The following EPHA6 variants were observed in gnomAD, a reference collection of about 807,000 sequenced individuals.
EPHA6 encodes the protein ephrin type-A receptor 6.
EPHA6 carries 50 observed loss-of-function variants against 112.0 expected under a neutral mutation model. The ratio of observed to expected loss-of-function variants is 0.45; its 90% CI spans 0.36 to 0.56. The LOEUF (loss-of-function observed/expected upper bound fraction) is 0.56, where lower values mean the gene tolerates loss of function less well. Ranked by LOEUF, EPHA6 falls within the 20% of genes least tolerant of loss-of-function variation. The probability of loss-of-function intolerance (pLI) is 0.00; values close to 1 mark genes in which losing one functional copy is unlikely to be tolerated. For missense variants in EPHA6, 1,280 were observed against 1,417.4 expected, an observed-to-expected ratio of 0.90 and a Z score of 1.56; for synonymous variants, 529 against 490.7, an observed-to-expected ratio of 1.08 and a Z score of -1.03.
At chr3:96,992,035 G>C (rs944459936) in intron 3 of EPHA6, among the ~76,000 whole-genome samples, 11 of 152,054 alleles carry the variant, frequency 7.2e-5, no homozygotes, top group African/African-American at 2.7e-4. Flanking sequence ...TTTCTTACTA[G>C]TATCTTGCCG....
chr3:97,514,668 A>T (rs1166816815), intron 10 of EPHA6, among the ~76,000 whole-genome samples: 1 of 152,124 alleles, frequency 6.6e-6, no homozygotes. Flanking sequence ...TGGAGATAGG[A>T]TTTTGAGGAA....
intron 3 of EPHA6, among the ~76,000 whole-genome samples, chr3:97,202,065 G>T (rs181614730): frequency 1.2e-4 from 19 of 152,208 alleles, no homozygotes; most frequent in Non-Finnish European, 2.2e-4. Context: ...GGAGATAACA[G>T]AGTAATGCTG....
intron 3 of EPHA6, among the ~76,000 whole-genome samples, chr3:97,037,651 G>A (rs943651950): frequency 1.3e-5 from 2 of 152,006 alleles, no homozygotes; most frequent in African/African-American, 2.4e-5. Flanking sequence ...AGTGGAAGGT[G>A]ATATAATTTG....
chr3:96,983,684 G>A (rs1178558688), intron 2 of EPHA6, among the ~76,000 whole-genome samples: 2 of 152,142 alleles, frequency 1.3e-5, no homozygotes, highest in Non-Finnish European at 2.9e-5. Context: ...TCACTTTCAG[G>A]TACACCAATC....
chr3:96,926,064 T>C (rs985258116), intron 2 of EPHA6, among the ~76,000 whole-genome samples: 1 of 152,140 alleles, frequency 6.6e-6, no homozygotes, highest in East Asian at 1.9e-4. Context: ...TTCTTGAGAC[T>C]AGGTAATTTA....
chr3:97,027,473 C>G (rs1338665970), intron 3 of EPHA6, among the ~76,000 whole-genome samples: 1 of 151,968 alleles, frequency 6.6e-6, no homozygotes, highest in Admixed American at 6.6e-5. Flanking sequence ...AGAAGATAAG[C>G]CACCTCCAAG....
In EPHA6 at chr3:97,251,019, C is replaced by G. The variant is rs549308968; in HGVS notation, c.1606+6732C>G. On this transcript the variant is annotated intron_variant, in intron 5 of 17. Transcript: ENST00000389672. ...TAGCTGGGATTACAGGTGCCCACCA[C>G]CATGCCTAGCTAATTTTTTTGTGTT... Among the ~76,000 whole-genome samples, 38 of 152,000 alleles carry G rather than the reference C, an allele frequency of 2.5e-4. No individual in the cohort carries two copies. In the South Asian group the frequency reaches 7.9e-3, roughly 32 times the overall value.
At chr3:97,029,173 T>A (rs1309303842) in intron 3 of EPHA6, among the ~76,000 whole-genome samples, 1 of 151,804 alleles carries the variant, frequency 6.6e-6, no homozygotes, top group Non-Finnish European at 1.5e-5. Flanking sequence ...AATATTATTT[T>A]CTTTGTTAAA....
chr3:96,943,498 A>G (rs2041089954), intron 2 of EPHA6, among the ~76,000 whole-genome samples: 1 of 152,124 alleles, frequency 6.6e-6, no homozygotes, highest in Admixed American at 6.6e-5. Flanking sequence ...AAGTGTAGTG[A>G]CTCTGTTCAG....
At chr3:97,058,634 T>C (rs1310751912) in intron 3 of EPHA6, among the ~76,000 whole-genome samples, 1 of 152,162 alleles carries the variant, frequency 6.6e-6, no homozygotes, top group Non-Finnish European at 1.5e-5. Flanking sequence ...AGTTCTTTTA[T>C]TGTTACTTTC....
chr3:97,561,149 A>G (rs2093185137), intron 11 of EPHA6, among the ~76,000 whole-genome samples: 1 of 151,996 alleles, frequency 6.6e-6, no homozygotes, highest in African/African-American at 2.4e-5. Context: ...GATTGAAGTT[A>G]GGCCAATTAA....
Position 97,593,390 on chromosome 3 carries a change from A to C in EPHA6, c.2512+653A>C, listed in dbSNP as rs144534531. Among the ~76,000 whole-genome samples, 978 of 152,282 alleles carry C rather than the reference A, an allele frequency of 6.4e-3. 11 individuals are homozygous for C. Among genetic ancestry groups the C allele is most frequent in the African/African-American group, 0.022 (916 of 41,570 alleles). On this transcript the variant is annotated intron_variant, in intron 12 of 17. Transcript: ENST00000389672. ...AATTACAATTTGTTTCTTCCCTGAC[A>C]TTTAGTAAAATATCCAGCTGCCTTC...
intron 2 of EPHA6, among the ~76,000 whole-genome samples, chr3:96,955,259 A>T (rs2041712377): frequency 1.3e-5 from 2 of 152,184 alleles, no homozygotes; most frequent in Non-Finnish European, 2.9e-5. Flanking sequence ...AAAAAGACAC[A>T]TCACATGTGT....
chr3:97,141,645 C>G (rs548840529), intron 3 of EPHA6, among the ~76,000 whole-genome samples: 1 of 151,702 alleles, frequency 6.6e-6, no homozygotes, highest in South Asian at 2.1e-4. Context: ...AATAGAGATA[C>G]AACATATCAA....
chr3:96,941,670 T>C (rs1405534487), intron 2 of EPHA6, among the ~76,000 whole-genome samples: 1 of 152,196 alleles, frequency 6.6e-6, no homozygotes, highest in Non-Finnish European at 1.5e-5. Context: ...GGAGGAGAGG[T>C]GCTCTGCTTT....
At chr3:96,924,560 T>G (rs2039937229) in intron 2 of EPHA6, among the ~76,000 whole-genome samples, 1 of 152,156 alleles carries the variant, frequency 6.6e-6, no homozygotes, top group African/African-American at 2.4e-5. Flanking sequence ...CAATGGGATT[T>G]TCTGGATAAG....
At chr3:97,429,228 T>G (rs1212207394) in intron 6 of EPHA6, among the ~76,000 whole-genome samples, 2 of 152,180 alleles carry the variant, frequency 1.3e-5, no homozygotes, top group Non-Finnish European at 2.9e-5. Context: ...TATAGAAACA[T>G]AAATTTGGGC....
intron 11 of EPHA6, among the ~76,000 whole-genome samples, chr3:97,536,294 G>C (rs2107659244): frequency 6.6e-6 from 1 of 152,276 alleles, no homozygotes; most frequent in South Asian, 2.1e-4. Context: ...ATACTGTGCA[G>C]TAACCACACT....
intron 14 of EPHA6, among the ~76,000 whole-genome samples, chr3:97,644,700 A>G (rs949352460): frequency 8.7e-5 from 13 of 150,002 alleles, no homozygotes; most frequent in Non-Finnish European, 1.8e-4. Flanking sequence ...GAAATGGATA[A>G]ATTCCTTGAC....
Sources: gnomAD v4.1 joint callset for allele counts (sites outside exome capture counted in the v4.1 genomes callset) on GRCh38, gnomAD v4.1.1 for gene constraint, MANE v1.5 for transcripts, NCBI Gene and HGNC (gene_info 2026-07-23, HGNC 2026-07-21) for gene names.